Variants in VSTM2L observed in about 807,000 individuals in gnomAD.
VSTM2L encodes V-set and transmembrane domain-containing protein 2-like protein.
A neutral mutation model predicts 19.9 loss-of-function variants in VSTM2L; 9 were observed. That is an observed-to-expected ratio of 0.45 (90% confidence interval 0.27 to 0.79). VSTM2L has a LOEUF of 0.79. Ranked by LOEUF, VSTM2L falls within the 30% of genes least tolerant of loss-of-function variation. The pLI, the probability that VSTM2L is intolerant of heterozygous loss-of-function variation, is 0.15. For synonymous variants in VSTM2L, 127 were observed against 133.8 expected, an observed-to-expected ratio of 0.95 and a Z score of 0.35; for missense variants, 286 against 295.5, an observed-to-expected ratio of 0.97 and a Z score of 0.24.
chr20:37,942,901 T>C (rs1359650771), intron 3 of VSTM2L, among the ~76,000 whole-genome samples: 1 of 152,254 alleles, frequency 6.6e-6, no homozygotes, highest in African/African-American at 2.4e-5. Flanking sequence ...GTTATTAGCA[T>C]CCTGATATAT....
chr20:37,916,717 TTATTG>T (rs2072820764), intron 1 of VSTM2L, among the ~76,000 whole-genome samples: 1 of 152,214 alleles, frequency 6.6e-6, no homozygotes, highest in Non-Finnish European at 1.5e-5. Flanking sequence ...GTAGGATATT[TTATTG>T]TATTAAAGAA....
At chr20:37,924,178 G>A (rs1048591230) in intron 1 of VSTM2L, among the ~76,000 whole-genome samples, 44 of 152,200 alleles carry the variant, frequency 2.9e-4, no homozygotes, top group African/African-American at 1.1e-3. Flanking sequence ...CCATGGCTGC[G>A]ATGAGCTATG....
intron 1 of VSTM2L, among the ~76,000 whole-genome samples, chr20:37,904,040 G>T (rs1034285605): frequency 1.3e-5 from 2 of 152,182 alleles, no homozygotes; most frequent in Non-Finnish European, 2.9e-5. Context: ...ACTCTTCTGG[G>T]TTTAACCGCA....
intron 1 of VSTM2L, among the ~76,000 whole-genome samples, chr20:37,924,865 G>C (rs567308625): frequency 3.3e-5 from 5 of 152,306 alleles, no homozygotes; most frequent in East Asian, 3.9e-4. Flanking sequence ...GTGGGATGCG[G>C]AAGTGTGGAG....
At chr20:37,909,125 T>C (rs2072765982) in intron 1 of VSTM2L, among the ~76,000 whole-genome samples, 1 of 152,108 alleles carries the variant, frequency 6.6e-6, no homozygotes. Context: ...GGCTGGGACT[T>C]GAGGCTTGGC....
At chr20:37,909,392 T>C (rs1397727387) in intron 1 of VSTM2L, among the ~76,000 whole-genome samples, 2 of 152,080 alleles carry the variant, frequency 1.3e-5, no homozygotes, top group Non-Finnish European at 1.5e-5. Context: ...TGGGGCCCGC[T>C]GGGCACACTG....
At chr20:37,904,055 G>A (rs2072737700) in intron 1 of VSTM2L, among the ~76,000 whole-genome samples, 1 of 152,222 alleles carries the variant, frequency 6.6e-6, no homozygotes, top group African/African-American at 2.4e-5. Context: ...ACCGCACAGA[G>A]GCCCTTGTCC....
rs779179793 is a variant in VSTM2L, at chr20:37,944,178, G to T, written c.540G>T (p.Ala180=). ...VLHLPEAPPA[A]PAPPPPKPGK... Reference sequence around the variant, plus strand: ...ATCTGCCCGAAGCCCCTCCCGCCGCGCCCGCCCCGCCGCCCCCCAAGCCAG... The same window carrying T: ...ATCTGCCCGAAGCCCCTCCCGCCGCTCCCGCCCCGCCGCCCCCCAAGCCAG... The change falls in exon 4 of 4, where the codon GCG becomes GCT. Residue 180 remains alanine, a synonymous_variant. Coordinates refer to ENST00000373461, the MANE Select transcript of VSTM2L (RefSeq NM_080607.3). 5 of 1,517,316 alleles carry T rather than the reference G, an allele frequency of 3.3e-6. No homozygotes were observed. The African/African-American group carries it at 7.2e-5, about 22-fold the overall frequency. 94.0% of individuals were successfully genotyped at this position (1,517,316 alleles called of 1,614,324 possible). A position where few individuals can be genotyped will look rare whatever the true frequency, so the allele number is the denominator to read the frequency against.
At chr20:37,922,769 C>G (rs1174721986) in intron 1 of VSTM2L, among the ~76,000 whole-genome samples, 3 of 152,124 alleles carry the variant, frequency 2.0e-5, no homozygotes, top group Admixed American at 2.0e-4. Context: ...ATGGAGGGAG[C>G]TGGGGGCTGC....
intron 1 of VSTM2L, 137 bp from the exon 2 acceptor site, chr20:37,931,498 G>A (rs949154346): frequency 2.0e-5 from 19 of 929,332 alleles, no homozygotes; most frequent in African/African-American, 1.5e-4. Context: ...TCCCACCAGC[G>A]GGCTTGCAGG....
chr20:37,912,594 G>A (rs577037196), intron 1 of VSTM2L, among the ~76,000 whole-genome samples: 22 of 152,310 alleles, frequency 1.4e-4, no homozygotes, highest in African/African-American at 4.8e-4. Context: ...GGCTGGGCTG[G>A]TGCCCTCTGC....
chr20:37,903,463 C>T lies in VSTM2L; in HGVS notation c.113C>T (p.Ser38Phe). 5 of 1,480,132 alleles carry T rather than the reference C, an allele frequency of 3.4e-6. No individual in the cohort carries two copies. Among genetic ancestry groups the T allele is most frequent in the Non-Finnish European group, 4.5e-6 (5 of 1,121,796 alleles). 91.7% of individuals were successfully genotyped at this position (1,480,132 alleles called of 1,614,324 possible). A position where few individuals can be genotyped will look rare whatever the true frequency, so the allele number is the denominator to read the frequency against. ...AGHAPWDNHV[S>F]GHALFTETPH... ...CACGCGCCCTGGGACAACCACGTCTCCGGCCACGGTGAGTTCGGTCGCCGC... is the reference window on the plus strand; with the variant it reads ...CACGCGCCCTGGGACAACCACGTCTTCGGCCACGGTGAGTTCGGTCGCCGC... The change falls in exon 1 of 4, where the codon TCC becomes TTC. Residue 38 changes from serine (S) to phenylalanine (F), a missense_variant. Ser to Phe is a radical substitution (Grantham distance 155). Coordinates refer to ENST00000373461, the MANE Select transcript of VSTM2L (RefSeq NM_080607.3).
At chr20:37,925,164 T>G (rs2072873038) in intron 1 of VSTM2L, among the ~76,000 whole-genome samples, 1 of 152,054 alleles carries the variant, frequency 6.6e-6, no homozygotes, top group African/African-American at 2.4e-5. Context: ...TCCCTACCTT[T>G]GCTCACAGGG....
At chr20:37,908,881 G>T (rs916958848) in intron 1 of VSTM2L, among the ~76,000 whole-genome samples, 5 of 152,176 alleles carry the variant, frequency 3.3e-5, no homozygotes, top group Non-Finnish European at 7.3e-5. Flanking sequence ...GCCATGCCAG[G>T]GCCTTGAATG....
rs1201333802 is a variant in VSTM2L at position 37,918,848 on chromosome 20, CTT to C, written c.122-12785_122-12784del. Among the ~76,000 whole-genome samples the C allele has an allele frequency of 3.3e-5, 5 of 152,176 alleles. No individual in the cohort carries two copies. In the South Asian group the frequency reaches 1.0e-3, roughly 32 times the overall value. ...ACTCTCCAGGCAGACACGAGCCTAT[CTT>C]TCTCCTAGGATCTTCTAGAACCTGC... On this transcript the variant is annotated intron_variant, in intron 1 of 3. Transcript: ENST00000373461.
rs372498594 is a variant in VSTM2L at position 37,916,266 on chromosome 20, G to A, written c.121+12795G>A. ...ATAAATGGTATCGGTAGAGACGTCG[G>A]GACGCCTGTGTGCCTGCTCCCGGCT... On this transcript the variant is annotated intron_variant, in intron 1 of 3. Coordinates refer to ENST00000373461, the MANE Select transcript of VSTM2L (RefSeq NM_080607.3). 4.7e-4 allele frequency among the ~76,000 whole-genome samples: 72 copies of A among 152,264 alleles called. 1 individual carries two copies. The East Asian group carries it at 8.5e-3, about 18-fold the overall frequency.
intron 1 of VSTM2L, among the ~76,000 whole-genome samples, chr20:37,905,872 T>A (rs577605602): frequency 1.2e-4 from 18 of 152,300 alleles, no homozygotes; most frequent in African/African-American, 4.3e-4. Flanking sequence ...TCATGTCTAA[T>A]AAGCTATTTG....
rs896694140 is a variant in VSTM2L at position 37,908,164 on chromosome 20, C to A, written c.121+4693C>A. Among the ~76,000 whole-genome samples the A allele has an allele frequency of 2.6e-5, 4 of 152,314 alleles. No homozygotes were observed. In the South Asian group the frequency reaches 8.3e-4, roughly 32 times the overall value. On this transcript the variant is annotated intron_variant, in intron 1 of 3. Coordinates refer to ENST00000373461, the MANE Select transcript of VSTM2L (RefSeq NM_080607.3). ...ACACCAATTGGTTTTGACACCTTGC[C>A]CATCAGCAGCTCCTGCAGCCTTTTC...
chr20:37,935,350 A>C (rs571051801), intron 3 of VSTM2L, among the ~76,000 whole-genome samples: 1 of 152,238 alleles, frequency 6.6e-6, no homozygotes, highest in Non-Finnish European at 1.5e-5. Flanking sequence ...AACCATTCCT[A>C]ATACACAGGT....
Sources: gnomAD v4.1 joint callset for allele counts (sites outside exome capture counted in the v4.1 genomes callset) on GRCh38, gnomAD v4.1.1 for gene constraint, MANE v1.5 for transcripts, NCBI Gene and HGNC (gene_info 2026-07-23, HGNC 2026-07-21) for gene names.